Variants in HSBP1 observed in about 807,000 individuals in gnomAD.
HSBP1 encodes the protein heat shock factor binding protein 1, also known as heat shock factor-binding protein 1.
A neutral mutation model predicts 9.6 loss-of-function variants in HSBP1; 5 were observed. The observed-to-expected ratio is 0.52, with a 90% CI of 0.27 to 1.09. The LOEUF (loss-of-function observed/expected upper bound fraction) is 1.09. Among genes scored for constraint, HSBP1 ranks in the 50% least tolerant of loss-of-function variants. HSBP1 has a pLI of 0.11. For missense variants in HSBP1, 121 were observed against 96.3 expected (o/e 1.26, Z -1.07); for synonymous variants, 42 against 33.3 (o/e 1.26, Z -0.90).
chr16:83,809,658 G>A (rs530434306), intron 3 of HSBP1, among the ~76,000 whole-genome samples: 1 of 151,806 alleles, frequency 6.6e-6, no homozygotes, highest in South Asian at 2.1e-4. Flanking sequence ...TAGTAGAGAC[G>A]GGGTTTCTCC....
rs986264032 is a variant in HSBP1 at position 83,819,500 on chromosome 16, G to C, written c.*8082G>C. 4 of 152,168 alleles carry C rather than the reference G, an allele frequency of 2.6e-5. No individual in the cohort carries two copies. Among genetic ancestry groups the C allele is most frequent in the African/African-American group, 9.7e-5 (4 of 41,438 alleles). 9.4% of individuals were successfully genotyped at this position (152,168 alleles called of 1,614,324 possible). Reference sequence around the variant, plus strand: ...TCCACCCCTAAGCCCGAGGAACTGAGCGTGAAGAGCCCTGACGCCATGAAG... The same window carrying C: ...TCCACCCCTAAGCCCGAGGAACTGACCGTGAAGAGCCCTGACGCCATGAAG... On this transcript the variant is annotated 3_prime_UTR_variant, in exon 4 of 4. Transcript: ENST00000433866.
Position 83,809,314 on chromosome 16 carries a change from T to G in HSBP1, c.122T>G (p.Met41Arg). The G allele has an allele frequency of 6.3e-7, 1 of 1,588,004 alleles. No homozygotes were observed. Among genetic ancestry groups the G allele is most frequent in the Non-Finnish European group, 8.6e-7 (1 of 1,164,546 alleles). The change falls in exon 3 of 4, where the codon ATG becomes AGG. Residue 41 changes from methionine to arginine, a missense_variant. Met to Arg is a moderately conservative substitution (Grantham distance 91). Transcript: ENST00000433866. ...TCTTTAACTTCAGCACTTGATGATA[T>G]GAGTAGTCGCATTGATGATCTGGAA... Reference protein sequence around the residue: ...SDQIIGRIDDMSSRIDDLEKN... With the variant: ...SDQIIGRIDDRSSRIDDLEKN...
At position 83,815,160 on chromosome 16, in the gene HSBP1, G is replaced by A. The variant is rs1466155476; in HGVS notation, c.*3742G>A. The stretch of plus-strand genomic sequence containing the variant: ...AGAACTTTTCAATGAATGAAAATGA[G>A]GGAGGGGAGATGCAAGTCACTGCCC... On this transcript the variant is annotated 3_prime_UTR_variant, in exon 4 of 4. Coordinates refer to ENST00000433866, the MANE Select transcript of HSBP1 (RefSeq NM_001537.4). 1.3e-5 allele frequency: 2 copies of A among 152,140 alleles called. No homozygotes were observed. The highest frequency in any genetic ancestry group is 2.9e-5 in the Non-Finnish European group (2 of 68,026). The allele number at this position is 152,140 out of a possible 1,614,324, so 9.4% of individuals were successfully genotyped here. A position where few individuals can be genotyped will look rare whatever the true frequency, so the allele number is the denominator to read the frequency against.
intron 2 of HSBP1, 156 bp from the exon 3 acceptor site, chr16:83,809,149 C>A: frequency 1.7e-6 from 1 of 583,114 alleles, no homozygotes; most frequent in Non-Finnish European, 3.0e-6. Context: ...CCATGCCCCA[C>A]AGTCCTGTAC....
At position 83,808,685 on chromosome 16, in the gene HSBP1, G is replaced by A; in HGVS notation, c.51G>A (p.Gln17=). 6.2e-7 allele frequency: 1 copy of A among 1,611,752 alleles called. No individual in the cohort carries two copies. Among genetic ancestry groups the A allele is most frequent in the African/African-American group, 1.3e-5 (1 of 75,036 alleles). The change falls in exon 2 of 4, where the codon CAG becomes CAA. Residue 17 remains glutamine (Q), a synonymous_variant. Coordinates refer to ENST00000433866, the MANE Select transcript of HSBP1 (RefSeq NM_001537.4). The part of the protein sequence containing the change: ...KTVQDLTSVV[Q]TLLQQMQDKF... ...TTTGTTTCGGTTTTTCTTAGGTGCAGACACTCCTGCAGCAGATGCAAGATA... is the reference window on the plus strand; with the variant it reads ...TTTGTTTCGGTTTTTCTTAGGTGCAAACACTCCTGCAGCAGATGCAAGATA...
chr16:83,808,769 GCCT>G, intron 2 of HSBP1, 23 bp downstream of exon 2: 1 of 1,582,662 alleles, frequency 6.3e-7, no homozygotes, highest in Non-Finnish European at 8.6e-7. Context: ...TCTGCAGTCG[GCCT>G]CCTGTGGGCC....
At chr16:83,810,181 T>C (rs1904567939) in intron 3 of HSBP1, among the ~76,000 whole-genome samples, 2 of 152,212 alleles carry the variant, frequency 1.3e-5, no homozygotes, top group South Asian at 4.2e-4. Flanking sequence ...GGAGACTTTC[T>C]TGGTAACTTG....
At position 83,808,740 on chromosome 16, in the gene HSBP1, G is replaced by T; in HGVS notation, c.106G>T (p.Gly36Trp). 7 of 1,609,970 alleles carry T rather than the reference G, an allele frequency of 4.3e-6. No individual in the cohort carries two copies. Among genetic ancestry groups the T allele is most frequent in the Non-Finnish European group, 5.9e-6 (7 of 1,176,886 alleles). ...TCAGACCATGTCTGACCAGATCATT[G>T]GGAGAAATATCCTTTTTATCTGCAG... ...KFQTMSDQII[G>W]RIDDMSSRID... is the part of the protein sequence containing the mutation. The change falls in exon 2 of 4, where the codon GGG becomes TGG. Residue 36 changes from glycine to tryptophan, a missense_variant. Physicochemically the swap from Gly to Trp is radical, Grantham distance 184. Transcript: ENST00000433866.
intron 3 of HSBP1, among the ~76,000 whole-genome samples, chr16:83,810,916 C>T (rs1904586684): frequency 6.6e-6 from 1 of 152,156 alleles, no homozygotes; most frequent in Non-Finnish European, 1.5e-5. Context: ...TTGCTGTGGA[C>T]CACATTTTAA....
rs1351521558 is a variant in HSBP1 at position 83,812,617 on chromosome 16, TAAG to T, written c.*1202_*1204del. The T allele has an allele frequency of 6.6e-6, 1 of 151,880 alleles. No homozygotes were observed. The highest frequency in any genetic ancestry group is 1.5e-5 in the Non-Finnish European group (1 of 68,034). 9.4% of individuals were successfully genotyped at this position (151,880 alleles called of 1,614,324 possible). A position where few individuals can be genotyped will look rare whatever the true frequency, so the allele number is the denominator to read the frequency against. ...TGTTTATATTGCAAATCTATCAAAG[TAAG>T]AAATAATTTGTGCTGTATACAAATT... On this transcript the variant is annotated 3_prime_UTR_variant, in exon 4 of 4. Coordinates refer to ENST00000433866, the MANE Select transcript of HSBP1 (RefSeq NM_001537.4).
rs1392135552 is a variant in HSBP1 at position 83,815,651 on chromosome 16, T to G, written c.*4233T>G. 7 of 152,218 alleles carry G rather than the reference T, an allele frequency of 4.6e-5. No individual in the cohort carries two copies. Among genetic ancestry groups the G allele is most frequent in the South Asian group, 2.1e-4 (1 of 4,824 alleles). The allele number at this position is 152,218 out of a possible 1,614,324, so 9.4% of individuals were successfully genotyped here. A position where few individuals can be genotyped will look rare whatever the true frequency, so the allele number is the denominator to read the frequency against. ...CTGTACAACATCAGCCTCTGTGGGA[T>G]CCCTGAGAATGATGAAATGTAATAT... On this transcript the variant is annotated 3_prime_UTR_variant, in exon 4 of 4. Transcript: ENST00000433866.
In HSBP1 at chr16:83,813,084, T is replaced by C. The variant is rs967870708; in HGVS notation, c.*1666T>C. ...TATCAACTAAAACCTCTGGACGGAT[T>C]AAGTACAAGTAGCCCAAGGCAAAGC... On this transcript the variant is annotated 3_prime_UTR_variant, in exon 4 of 4. Transcript: ENST00000433866. 1 of 152,070 alleles carries C rather than the reference T, an allele frequency of 6.6e-6. No homozygotes were observed. Among genetic ancestry groups the C allele is most frequent in the Non-Finnish European group, 1.5e-5 (1 of 68,040 alleles). The allele number at this position is 152,070 out of a possible 1,614,324, so 9.4% of individuals were successfully genotyped here.
rs923569381 is a variant in HSBP1 at position 83,812,108 on chromosome 16, T to TTAAC, written c.*691_*692insAACT. 2.0e-5 allele frequency: 3 copies of TTAAC among 152,646 alleles called. No homozygotes were observed. Among genetic ancestry groups the TTAAC allele is most frequent in the Non-Finnish European group, 2.9e-5 (2 of 68,024 alleles). 9.5% of individuals were successfully genotyped at this position (152,646 alleles called of 1,614,324 possible). ...AGAATAGCCTTCTGTAATGAGGCGT[T>TTAAC]TGTTAGAGTTTTGCATGAGATTCTA... On this transcript the variant is annotated 3_prime_UTR_variant, in exon 4 of 4. Coordinates refer to ENST00000433866, the MANE Select transcript of HSBP1 (RefSeq NM_001537.4).
rs1393500975 is a variant in HSBP1 at position 83,816,012 on chromosome 16, T to C, written c.*4594T>C. On this transcript the variant is annotated 3_prime_UTR_variant, in exon 4 of 4. Transcript: ENST00000433866. Reference sequence around the variant, plus strand: ...GCTACCAATAGCAAAAATCAGCCCTTTTAACAATGGTGGGATGTATTATTT... The same window carrying C: ...GCTACCAATAGCAAAAATCAGCCCTCTTAACAATGGTGGGATGTATTATTT... 6.6e-6 allele frequency: 1 copy of C among 152,098 alleles called. No individual in the cohort carries two copies. Among genetic ancestry groups the C allele is most frequent in the Admixed American group, 6.5e-5 (1 of 15,270 alleles). The allele number at this position is 152,098 out of a possible 1,614,324, so 9.4% of individuals were successfully genotyped here.
intron 3 of HSBP1, 37 bp downstream of exon 3, chr16:83,809,462 C>CTTTTTTTTTTTTTTTTTTTTT (rs34576085): frequency 7.3e-6 from 3 of 408,412 alleles, no homozygotes; most frequent in East Asian, 4.7e-5. Context: ...CTTTTCTTTT[C>CTTTTTTTTTTTTTTTTTTTTT]TTTTTTTTTT....
intron 2 of HSBP1, 99 bp downstream of exon 2, chr16:83,808,845 C>T: frequency 1.2e-6 from 1 of 841,854 alleles, no homozygotes; most frequent in Non-Finnish European, 1.9e-6. Context: ...TAGCTTCAGC[C>T]ATTCACTTGT....
chr16:83,817,478 C>T lies in HSBP1; in HGVS notation c.*6060C>T, dbSNP rs907078403. 2.0e-5 allele frequency: 3 copies of T among 152,228 alleles called. No individual in the cohort carries two copies. Among genetic ancestry groups the T allele is most frequent in the Non-Finnish European group, 4.4e-5 (3 of 68,044 alleles). 9.4% of individuals were successfully genotyped at this position (152,228 alleles called of 1,614,324 possible). On this transcript the variant is annotated 3_prime_UTR_variant, in exon 4 of 4. Coordinates refer to ENST00000433866, the MANE Select transcript of HSBP1 (RefSeq NM_001537.4). Reference sequence around the variant, plus strand: ...CTAGCTGCTTTCACCTGTATCATCTCATTCACTGCTCAGAGGCTCTCGAAA... The same window carrying T: ...CTAGCTGCTTTCACCTGTATCATCTTATTCACTGCTCAGAGGCTCTCGAAA...
intron 3 of HSBP1, among the ~76,000 whole-genome samples, chr16:83,810,655 G>A (rs1904581441): frequency 1.3e-5 from 2 of 151,654 alleles, no homozygotes; most frequent in African/African-American, 4.8e-5. Flanking sequence ...TGGCCAACAT[G>A]GTGAAACCCT....
chr16:83,817,452 G>C lies in HSBP1; in HGVS notation c.*6034G>C, dbSNP rs74336125. 1 of 152,200 alleles carries C rather than the reference G, an allele frequency of 6.6e-6. No homozygotes were observed. The highest frequency in any genetic ancestry group is 1.5e-5 in the Non-Finnish European group (1 of 68,048). 9.4% of individuals were successfully genotyped at this position (152,200 alleles called of 1,614,324 possible). ...CTGCCTGTCCTGGGCCAGGTATGGCGCTAGCTGCTTTCACCTGTATCATCT... is the reference window on the plus strand; with the variant it reads ...CTGCCTGTCCTGGGCCAGGTATGGCCCTAGCTGCTTTCACCTGTATCATCT... On this transcript the variant is annotated 3_prime_UTR_variant, in exon 4 of 4. Transcript: ENST00000433866.
Sources: allele counts gnomAD v4.1 joint callset (sites outside exome capture counted in the v4.1 genomes callset), GRCh38; gene constraint gnomAD v4.1.1; transcripts MANE v1.5; gene names NCBI Gene and HGNC (gene_info 2026-07-23, HGNC 2026-07-21).